NAALADL2: variants seen among roughly 807,000 people sequenced by gnomAD.
NAALADL2 encodes inactive N-acetylated-alpha-linked acidic dipeptidase-like protein 2.
NAALADL2 carries 76 observed loss-of-function variants against 87.2 expected under a neutral mutation model. That is an observed-to-expected ratio of 0.87 (90% CI 0.72 to 1.05). NAALADL2 has a LOEUF of 1.05. Among genes scored for constraint, NAALADL2 ranks in the 50% least tolerant of loss-of-function variants. The probability of loss-of-function intolerance (pLI) is 0.00; values close to 1 mark genes in which losing one functional copy is unlikely to be tolerated. For synonymous variants in NAALADL2, 354 were observed against 331.0 expected, an observed-to-expected ratio of 1.07 and a Z score of -0.75; for missense variants, 1,089 against 945.8, an observed-to-expected ratio of 1.15 and a Z score of -1.99.
At chr3:175,103,153 A>T (rs1351753215) in intron 2 of NAALADL2, among the ~76,000 whole-genome samples, 6 of 152,104 alleles carry the variant, frequency 3.9e-5, no homozygotes, top group African/African-American at 1.4e-4. Context: ...TACCATGATG[A>T]ATAACATCTT....
chr3:174,871,872 C>A (rs763260873), intron 1 of NAALADL2, among the ~76,000 whole-genome samples: 1 of 151,850 alleles, frequency 6.6e-6, no homozygotes, highest in African/African-American at 2.4e-5. Context: ...GTACTCCAGC[C>A]GGGGTGACAG....
intron 9 of NAALADL2, among the ~76,000 whole-genome samples, chr3:175,496,543 A>G (rs975120725): frequency 2.6e-5 from 4 of 151,984 alleles, no homozygotes; most frequent in African/African-American, 9.7e-5. Flanking sequence ...TGAAGCTAAC[A>G]CTATTTTGTT....
chr3:175,341,603 C>T (rs1357803752), intron 5 of NAALADL2, among the ~76,000 whole-genome samples: 1 of 152,080 alleles, frequency 6.6e-6, no homozygotes, highest in African/African-American at 2.4e-5. Flanking sequence ...ATAGAGGATG[C>T]ACTGTTTAAA....
intron 1 of NAALADL2, among the ~76,000 whole-genome samples, chr3:175,044,682 A>C (rs1039266783): frequency 3.9e-5 from 6 of 152,108 alleles, no homozygotes; most frequent in Admixed American, 6.6e-5. Flanking sequence ...ACATTTATAT[A>C]ATTATTATTT....
intron 3 of NAALADL2, among the ~76,000 whole-genome samples, chr3:174,782,192 T>C (rs940859213): frequency 3.3e-5 from 5 of 152,116 alleles, no homozygotes; most frequent in African/African-American, 9.7e-5. Context: ...GAGTAGATGA[T>C]CCTGAGAATA....
intron 2 of NAALADL2, chr3:175,218,192 GT>G: frequency 2.6e-6 from 1 of 380,298 alleles, no homozygotes; most frequent in South Asian, 2.0e-5. Flanking sequence ...GTTTTAGTTA[GT>G]TTATATATTA....
intron 2 of NAALADL2, among the ~76,000 whole-genome samples, chr3:174,712,550 G>A (rs778449852): frequency 6.6e-6 from 1 of 151,632 alleles, no homozygotes; most frequent in Non-Finnish European, 1.5e-5. Flanking sequence ...ACCAGGCCCA[G>A]CTAATTTTTA....
chr3:175,579,622 G>C (rs755809479), intron 10 of NAALADL2, among the ~76,000 whole-genome samples: 1 of 152,108 alleles, frequency 6.6e-6, no homozygotes, highest in Non-Finnish European at 1.5e-5. Context: ...AACATTTCCA[G>C]TTGTAAGCTT....
intron 9 of NAALADL2, among the ~76,000 whole-genome samples, chr3:175,534,033 T>TTATTATAAATAAATTATTTATTTATA (rs1560716103): frequency 6.7e-6 from 1 of 150,152 alleles, no homozygotes; most frequent in African/African-American, 2.4e-5. Flanking sequence ...ATTTATTTAT[T>TTATTATAAATAAATTATTTATTTATA]TATTATAAAT....
intron 2 of NAALADL2, among the ~76,000 whole-genome samples, chr3:174,665,780 C>T (rs1725901312): frequency 6.6e-6 from 1 of 152,160 alleles, no homozygotes; most frequent in African/African-American, 2.4e-5. Context: ...AAGTTGTTGG[C>T]AGGGTTGGTT....
intron 4 of NAALADL2, among the ~76,000 whole-genome samples, chr3:175,315,461 TA>T (rs1341925215): frequency 6.6e-6 from 1 of 152,192 alleles, no homozygotes; most frequent in African/African-American, 2.4e-5. Flanking sequence ...ACATTTTGTA[TA>T]AACATGTTAA....
intron 4 of NAALADL2, among the ~76,000 whole-genome samples, chr3:175,257,557 G>T (rs745379749): frequency 6.9e-6 from 1 of 144,738 alleles, no homozygotes; most frequent in Non-Finnish European, 1.5e-5. Context: ...AGAATTTCCT[G>T]TTCAATCAAT....
At chr3:175,653,325 T>C (rs1731039020) in intron 11 of NAALADL2, among the ~76,000 whole-genome samples, 1 of 152,200 alleles carries the variant, frequency 6.6e-6, no homozygotes, top group Non-Finnish European at 1.5e-5. Flanking sequence ...AGGGCTCATA[T>C]CGTAGAAGGG....
chr3:175,022,154 A>G (rs1007992472), intron 1 of NAALADL2, among the ~76,000 whole-genome samples: 2 of 152,026 alleles, frequency 1.3e-5, no homozygotes, highest in African/African-American at 4.8e-5. Flanking sequence ...CCAGAAGCAG[A>G]TACTGGTGCC....
intron 1 of NAALADL2, among the ~76,000 whole-genome samples, chr3:175,065,847 C>A (rs150676820): frequency 6.1e-4 from 93 of 152,252 alleles, no homozygotes; most frequent in Middle Eastern, 3.4e-3. Flanking sequence ...GAATTGAAAG[C>A]TGATTCTGAA....
intron 1 of NAALADL2, among the ~76,000 whole-genome samples, chr3:175,007,121 C>A (rs1401987650): frequency 7.4e-6 from 1 of 135,780 alleles, no homozygotes; most frequent in African/African-American, 2.8e-5. Context: ...CCAAGCCTTG[C>A]ACATGCCTAA....
chr3:174,523,446 C>G (rs1321130726), intron 1 of NAALADL2: 1 of 152,104 alleles, frequency 6.6e-6, no homozygotes, highest in Non-Finnish European at 1.5e-5. Context: ...CAAAAATCAC[C>G]TCCATCAAAG....
rs149745616 is a variant in NAALADL2, at chr3:175,183,686, G to A, written c.546-50245G>A. ...CGGATCCCGGTGATAAATTCCACTT[G>A]ACTATAGTCAACGATCCTTTTAGTG... On this transcript the variant is annotated intron_variant, in intron 2 of 13. Coordinates refer to ENST00000454872, the MANE Select transcript of NAALADL2 (RefSeq NM_207015.3). 4.0e-3 allele frequency among the ~76,000 whole-genome samples: 605 copies of A among 152,096 alleles called. 3 individuals carry two copies. The highest frequency in any genetic ancestry group is 0.014 in the African/African-American group (562 of 41,506).
chr3:174,736,152 C>T (rs984635101), intron 2 of NAALADL2, among the ~76,000 whole-genome samples: 2 of 152,166 alleles, frequency 1.3e-5, no homozygotes, highest in African/African-American at 4.8e-5. Context: ...GAGAGAGTGT[C>T]ACAGCCCTGG....
Sources: allele counts gnomAD v4.1 joint callset (sites outside exome capture counted in the v4.1 genomes callset), GRCh38; gene constraint gnomAD v4.1.1; transcripts MANE v1.5; gene names NCBI Gene and HGNC (gene_info 2026-07-23, HGNC 2026-07-21).